ARMH4: variants seen among roughly 807,000 people sequenced by gnomAD.
ARMH4 encodes armadillo like helical domain containing 4.
A neutral mutation model predicts 61.9 loss-of-function variants in ARMH4; 49 were observed. That is an observed-to-expected ratio of 0.79 (90% CI 0.63 to 1.00). ARMH4 has a LOEUF of 1.00. Among genes scored for constraint, ARMH4 ranks in the 50% least tolerant of loss-of-function variants. The pLI, the probability that ARMH4 is intolerant of heterozygous loss-of-function variation, is 0.00. For missense variants in ARMH4, 934 were observed against 930.0 expected (o/e 1.00, Z -0.06); for synonymous variants, 368 against 341.5 (o/e 1.08, Z -0.85).
intron 2 of ARMH4, 23 bp downstream of exon 2, chr14:58,137,967 G>C: frequency 6.4e-7 from 1 of 1,565,178 alleles, no homozygotes; most frequent in Non-Finnish European, 8.6e-7. Flanking sequence ...ACCAAAGTTT[G>C]TTTTTCTTTT....
Position 58,133,256 on chromosome 14 carries a change from G to A in ARMH4, c.1455C>T (p.Leu485=), listed in dbSNP as rs140880514. The A allele has an allele frequency of 1.2e-5, 20 of 1,613,964 alleles. No individual in the cohort carries two copies. The highest frequency in any genetic ancestry group is 1.5e-5 in the Non-Finnish European group (18 of 1,180,030). ...SMVTQEQVAT[L]ELIRDSGKTE... is the part of the protein sequence containing the mutation. ...TCTTGCCACTGTCTCTGATAAGCTC[G>A]AGGGTAGCAACCTGCTCTTGTGTCA... Residue 485 remains leucine, a synonymous_variant, in exon 3 of 8, where the codon CTC becomes CTT. Transcript: ENST00000267485.
rs756723324 is a variant in ARMH4, at chr14:58,012,107, T to C, written c.2121+12A>G. 8 of 1,475,264 alleles carry C rather than the reference T, an allele frequency of 5.4e-6. No homozygotes were observed. In the Admixed American group the frequency reaches 1.4e-4, roughly 25 times the overall value. The allele number at this position is 1,475,264 out of a possible 1,614,324, so 91.4% of individuals were successfully genotyped here. On this transcript the variant is annotated intron_variant, in intron 6 of 7. Coordinates refer to ENST00000267485, the MANE Select transcript of ARMH4 (RefSeq NM_001001872.4). Reference sequence around the variant, plus strand: ...CTAAAAATAAACCAATGGAAGAAAATACTTTTCTTACCTTGTCTTTTAATT... The same window carrying C: ...CTAAAAATAAACCAATGGAAGAAAACACTTTTCTTACCTTGTCTTTTAATT...
At chr14:58,053,945 T>A (rs1443864724) in intron 5 of ARMH4, among the ~76,000 whole-genome samples, 2 of 152,236 alleles carry the variant, frequency 1.3e-5, no homozygotes, top group East Asian at 3.8e-4. Flanking sequence ...TGCTGGATTT[T>A]AAGCTCTAGA....
intron 4 of ARMH4, among the ~76,000 whole-genome samples, chr14:58,130,658 C>T (rs1887063461): frequency 1.3e-5 from 2 of 152,164 alleles, no homozygotes; most frequent in Non-Finnish European, 2.9e-5. Flanking sequence ...CTTTTACATG[C>T]TCAAAGCCAA....
At chr14:58,131,432 A>G (rs1887090668) in intron 4 of ARMH4, 80 bp downstream of exon 4, 1 of 1,157,678 alleles carries the variant, frequency 8.6e-7, no homozygotes, top group South Asian at 1.4e-5. Flanking sequence ...ATATACTCCT[A>G]CTTAATTCTT....
At chr14:58,055,343 T>TTAGAC (rs1199760523) in intron 5 of ARMH4, among the ~76,000 whole-genome samples, 1 of 152,218 alleles carries the variant, frequency 6.6e-6, no homozygotes, top group East Asian at 1.9e-4. Context: ...CAGCATTCAG[T>TTAGAC]TAGACTTTTC....
At chr14:58,123,074 C>T (rs928066548) in intron 4 of ARMH4, among the ~76,000 whole-genome samples, 1 of 152,182 alleles carries the variant, frequency 6.6e-6, no homozygotes, top group Non-Finnish European at 1.5e-5. Flanking sequence ...GGTCCTAGGA[C>T]AGCCAGTCAC....
At chr14:58,122,929 C>T (rs1886774716) in intron 4 of ARMH4, among the ~76,000 whole-genome samples, 1 of 152,124 alleles carries the variant, frequency 6.6e-6, no homozygotes, top group Non-Finnish European at 1.5e-5. Context: ...CCCATGCCAT[C>T]ACCCTCACAG....
intron 5 of ARMH4, among the ~76,000 whole-genome samples, chr14:58,012,544 A>G (rs1882448192): frequency 6.6e-6 from 1 of 152,190 alleles, no homozygotes; most frequent in African/African-American, 2.4e-5. Context: ...CTGCGCTTGA[A>G]TCAATATCAG....
chr14:58,109,822 A>C (rs1372291929), intron 4 of ARMH4, among the ~76,000 whole-genome samples: 2 of 152,220 alleles, frequency 1.3e-5, no homozygotes, highest in Non-Finnish European at 2.9e-5. Flanking sequence ...TGGGTAATGC[A>C]TAAACAAAGG....
At position 58,138,463 on chromosome 14, in the gene ARMH4, C is replaced by A; in HGVS notation, c.896G>T (p.Ser299Ile). The A allele has an allele frequency of 6.2e-7, 1 of 1,614,262 alleles. No homozygotes were observed. The highest frequency in any genetic ancestry group is 8.5e-7 in the Non-Finnish European group (1 of 1,180,048). Residue 299 changes from serine (S) to isoleucine (I), a missense_variant, in exon 2 of 8, where the codon AGT (serine) becomes ATT (isoleucine). Transcript: ENST00000267485. Reference sequence around the variant, plus strand: ...GGCAGCTGGAACAGCTGTGCTGACACTCACTGTGACTTCTGGGGCTCCCAG... The same window carrying A: ...GGCAGCTGGAACAGCTGTGCTGACAATCACTGTGACTTCTGGGGCTCCCAG... ...SLLGAPEVTV[S>I]VSTAVPAASA...
intron 5 of ARMH4, among the ~76,000 whole-genome samples, chr14:58,059,977 A>G (rs903383215): frequency 2.6e-5 from 4 of 152,226 alleles, no homozygotes; most frequent in Non-Finnish European, 5.9e-5. Context: ...GGTTTAAGCC[A>G]TGTTGTCAAT....
intron 5 of ARMH4, among the ~76,000 whole-genome samples, chr14:58,025,636 GT>G (rs927662832): frequency 6.6e-6 from 1 of 151,978 alleles, no homozygotes; most frequent in Non-Finnish European, 1.5e-5. Flanking sequence ...CACAAGAAAT[GT>G]TTTTTCCAAC....
At chr14:58,146,033 C>G (rs1425391079) in intron 1 of ARMH4, among the ~76,000 whole-genome samples, 3 of 152,270 alleles carry the variant, frequency 2.0e-5, no homozygotes, top group African/African-American at 4.8e-5. Context: ...AACGAGAAGA[C>G]TGTTGTCAGT....
Position 58,139,224 on chromosome 14 carries a change from C to G in ARMH4, c.135G>C (p.Gly45=). Residue 45 remains glycine (G), a synonymous_variant, in exon 2 of 8, where the codon GGG becomes GGC. Transcript: ENST00000267485. ...REIAHVHAEK[G]QSDKMNTDDL... is the part of the protein sequence containing the mutation. ...CATCGGTGTTCATCTTATCGGACTG[C>G]CCTTTTTCCGCATGAACATGTGCTA... 6.2e-7 allele frequency: 1 copy of G among 1,614,178 alleles called. No individual in the cohort carries two copies.
intron 5 of ARMH4, among the ~76,000 whole-genome samples, chr14:58,027,141 G>A (rs924648538): frequency 2.0e-5 from 3 of 152,184 alleles, no homozygotes; most frequent in Admixed American, 6.5e-5. Flanking sequence ...GAGAGATTAA[G>A]GCAAATCTTT....
intron 4 of ARMH4, among the ~76,000 whole-genome samples, chr14:58,109,767 T>C (rs1886287556): frequency 6.6e-6 from 1 of 152,254 alleles, no homozygotes; most frequent in Non-Finnish European, 1.5e-5. Flanking sequence ...TTTTTATAGC[T>C]GTATTAGTCC....
chr14:58,044,735 C>G (rs1434565920), intron 5 of ARMH4, among the ~76,000 whole-genome samples: 2 of 152,160 alleles, frequency 1.3e-5, no homozygotes, highest in East Asian at 3.8e-4. Flanking sequence ...GGGCTAATAT[C>G]CAGAATCTAC....
intron 5 of ARMH4, among the ~76,000 whole-genome samples, chr14:58,059,833 A>G (rs1004635029): frequency 1.3e-5 from 2 of 152,160 alleles, no homozygotes; most frequent in Non-Finnish European, 2.9e-5. Context: ...GCAGCATACA[A>G]AGCCCTAGAC....
Sources: gnomAD v4.1 joint callset for allele counts (sites outside exome capture counted in the v4.1 genomes callset) on GRCh38, gnomAD v4.1.1 for gene constraint, MANE v1.5 for transcripts, NCBI Gene and HGNC (gene_info 2026-07-23, HGNC 2026-07-21) for gene names.